SDK1: variants seen among roughly 807,000 people sequenced by gnomAD.
SDK1 encodes the protein protein sidekick-1.
A neutral mutation model predicts 245.5 loss-of-function variants in SDK1; 157 were observed. The ratio of observed to expected loss-of-function variants is 0.64; its 90% CI spans 0.56 to 0.73. The LOEUF is 0.73. Ranked by LOEUF, SDK1 falls within the 30% of genes least tolerant of loss-of-function variation. The probability of loss-of-function intolerance (pLI) is 0.00; values close to 1 mark genes in which losing one functional copy is unlikely to be tolerated. For synonymous variants in SDK1, 1,647 were observed against 1,278.5 expected, an observed-to-expected ratio of 1.29 and a Z score of -6.15; for missense variants, 3,583 against 3,002.3, an observed-to-expected ratio of 1.19 and a Z score of -4.52.
chr7:4,170,128 G>A (rs1781748018), intron 32 of SDK1, among the ~76,000 whole-genome samples: 1 of 152,174 alleles, frequency 6.6e-6, no homozygotes, highest in Non-Finnish European at 1.5e-5. Context: ...AGTTGTGTTT[G>A]AAGAAGGATG....
At chr7:4,125,328 G>T (rs560047814) in intron 25 of SDK1, among the ~76,000 whole-genome samples, 1 of 150,646 alleles carries the variant, frequency 6.6e-6, no homozygotes, top group African/African-American at 2.5e-5. Context: ...TGGGTGAATG[G>T]ATGGATGAAT....
At chr7:3,345,567 T>G (rs1395297903) in intron 1 of SDK1, among the ~76,000 whole-genome samples, 1 of 152,000 alleles carries the variant, frequency 6.6e-6, no homozygotes, top group Non-Finnish European at 1.5e-5. Context: ...TGAGTTATCT[T>G]TTTTTCCAGG....
At chr7:3,683,809 C>G (rs904909903) in intron 4 of SDK1, among the ~76,000 whole-genome samples, 7 of 152,190 alleles carry the variant, frequency 4.6e-5, no homozygotes, top group African/African-American at 1.4e-4. Flanking sequence ...GTAAAAACCT[C>G]TAATCTGGAA....
At chr7:3,645,490 A>C (rs1374665629) in intron 4 of SDK1, among the ~76,000 whole-genome samples, 2 of 152,234 alleles carry the variant, frequency 1.3e-5, no homozygotes, top group Admixed American at 1.3e-4. Context: ...ACATCGTCCA[A>C]AGACATATAG....
At chr7:4,075,459 G>A (rs1195460243) in intron 20 of SDK1, among the ~76,000 whole-genome samples, 4 of 152,120 alleles carry the variant, frequency 2.6e-5, no homozygotes, top group Admixed American at 6.5e-5. Flanking sequence ...GCGTCCTAGC[G>A]CTTCTATATC....
chr7:3,443,237 G>T (rs1309368898), intron 1 of SDK1, among the ~76,000 whole-genome samples: 1 of 152,076 alleles, frequency 6.6e-6, no homozygotes, highest in South Asian at 2.1e-4. Flanking sequence ...CTAATTAACA[G>T]TTTATTTTAT....
chr7:3,311,516 A>T (rs571284653), intron 1 of SDK1, among the ~76,000 whole-genome samples: 2 of 152,350 alleles, frequency 1.3e-5, no homozygotes, highest in African/African-American at 4.8e-5. Context: ...TTTGAAATGC[A>T]TAGTGACAAA....
rs147552948 is a variant in SDK1 at position 3,565,310 on chromosome 7, G to A, written c.299-53770G>A. Among the ~76,000 whole-genome samples the A allele has an allele frequency of 4.8e-3, 728 of 152,240 alleles. 9 individuals carry two copies. Among genetic ancestry groups the A allele is most frequent in the African/African-American group, 0.017 (691 of 41,526 alleles). Reference sequence around the variant, plus strand: ...GCTACAAAGGAATCTGGGAAATATGGTTGTTATCTGTCAGACCTATTCAAC... The same window carrying A: ...GCTACAAAGGAATCTGGGAAATATGATTGTTATCTGTCAGACCTATTCAAC... On this transcript the variant is annotated intron_variant, in intron 1 of 44. Coordinates refer to ENST00000404826, the MANE Select transcript of SDK1 (RefSeq NM_152744.4).
intron 20 of SDK1, among the ~76,000 whole-genome samples, chr7:4,069,014 G>A (rs1368000587): frequency 2.0e-5 from 3 of 152,128 alleles, no homozygotes; most frequent in Admixed American, 6.5e-5. Flanking sequence ...GAGCCACTGC[G>A]CCTGGCCAAA....
At chr7:3,642,244 T>TG in intron 4 of SDK1, 139 bp downstream of exon 4, 1 of 677,142 alleles carries the variant, frequency 1.5e-6, no homozygotes, top group East Asian at 2.9e-5. Flanking sequence ...TCCTAATTTT[T>TG]AATAAACAGC....
At chr7:4,112,657 C>A (rs1783422205) in intron 23 of SDK1, among the ~76,000 whole-genome samples, 1 of 152,188 alleles carries the variant, frequency 6.6e-6, no homozygotes. Context: ...ATCCATCCAA[C>A]TAGATTTCAC....
intron 40 of SDK1, among the ~76,000 whole-genome samples, chr7:4,224,912 G>A (rs950161840): frequency 7.2e-6 from 1 of 138,356 alleles, no homozygotes. Flanking sequence ...GAACCCAGAA[G>A]GCAGAGGTTG....
intron 1 of SDK1, among the ~76,000 whole-genome samples, chr7:3,576,714 T>G (rs1780303148): frequency 6.6e-6 from 1 of 152,210 alleles, no homozygotes; most frequent in Admixed American, 6.5e-5. Flanking sequence ...TTGCCTGTGT[T>G]GAGCCACGTG....
At chr7:4,188,709 A>C (rs1220537714) in intron 35 of SDK1, among the ~76,000 whole-genome samples, 3 of 151,834 alleles carry the variant, frequency 2.0e-5, no homozygotes, top group African/African-American at 7.3e-5. Flanking sequence ...GAAAAAAAAA[A>C]CTCTTTCATC....
At chr7:3,318,625 C>T (rs1176178527) in intron 1 of SDK1, among the ~76,000 whole-genome samples, 1 of 152,142 alleles carries the variant, frequency 6.6e-6, no homozygotes, top group Admixed American at 6.5e-5. Context: ...CTTCCAATTC[C>T]ATAGTTTATC....
At chr7:4,057,063 C>T (rs1244855919) in intron 19 of SDK1, among the ~76,000 whole-genome samples, 1 of 152,166 alleles carries the variant, frequency 6.6e-6, no homozygotes, top group Non-Finnish European at 1.5e-5. Context: ...TTCCAGGCAC[C>T]CTGAGGTCAG....
chr7:3,844,023 T>G (rs1050942613), intron 5 of SDK1, among the ~76,000 whole-genome samples: 2 of 152,162 alleles, frequency 1.3e-5, no homozygotes, highest in South Asian at 2.1e-4. Flanking sequence ...CAGGCTGGAG[T>G]ACAGTGGTGT....
At chr7:3,942,880 T>C (rs1780419912) in intron 5 of SDK1, among the ~76,000 whole-genome samples, 3 of 152,188 alleles carry the variant, frequency 2.0e-5, no homozygotes, top group Admixed American at 2.0e-4. Flanking sequence ...CCATGTCCAC[T>C]TGGAGGTTAT....
rs540067591 is a variant in SDK1 at position 3,699,725 on chromosome 7, G to A, written c.713+57620G>A. 4.6e-5 allele frequency among the ~76,000 whole-genome samples: 7 copies of A among 152,212 alleles called. No individual in the cohort carries two copies. In the East Asian group the frequency reaches 9.7e-4, roughly 21 times the overall value. On this transcript the variant is annotated intron_variant, in intron 4 of 44. Coordinates refer to ENST00000404826, the MANE Select transcript of SDK1 (RefSeq NM_152744.4). ...GGGTAGAGTTGAAGAATTATTCAAAGAAATAATGGTTAAAGATTTCCTGAA... is the reference window on the plus strand; with the variant it reads ...GGGTAGAGTTGAAGAATTATTCAAAAAAATAATGGTTAAAGATTTCCTGAA...
Sources: allele counts gnomAD v4.1 joint callset (sites outside exome capture counted in the v4.1 genomes callset), GRCh38; gene constraint gnomAD v4.1.1; transcripts MANE v1.5; gene names NCBI Gene and HGNC (gene_info 2026-07-23, HGNC 2026-07-21).